Variants in CTNNA3 observed in about 807,000 individuals in gnomAD.
CTNNA3 encodes catenin alpha 3, also known as catenin alpha-3.
Under a neutral mutation model 95.7 loss-of-function variants are expected in CTNNA3, and 76 were observed. That is an observed-to-expected ratio of 0.79 (90% confidence interval 0.66 to 0.96). The LOEUF (loss-of-function observed/expected upper bound fraction) is 0.96, where lower values mean the gene tolerates loss of function less well. CTNNA3 is among the 40% of genes least tolerant of loss of function. The pLI is 0.00. For missense variants in CTNNA3, 1,191 were observed against 1,089.8 expected (o/e 1.09, Z -1.31); for synonymous variants, 431 against 374.4 (o/e 1.15, Z -1.74).
intron 7 of CTNNA3, among the ~76,000 whole-genome samples, chr10:67,147,445 A>G (rs1388152244): frequency 1.3e-5 from 2 of 152,244 alleles, no homozygotes; most frequent in East Asian, 3.9e-4. Context: ...GTGTTTATCA[A>G]CCACATAAAA....
intron 7 of CTNNA3, among the ~76,000 whole-genome samples, chr10:67,018,147 G>C (rs1396818667): frequency 6.6e-6 from 1 of 151,924 alleles, no homozygotes; most frequent in Non-Finnish European, 1.5e-5. Context: ...TTTACAGTAG[G>C]GCCAAGACTT....
chr10:66,394,880 A>G (rs1056818103), intron 11 of CTNNA3, among the ~76,000 whole-genome samples: 1 of 152,064 alleles, frequency 6.6e-6, no homozygotes, highest in Non-Finnish European at 1.5e-5. Flanking sequence ...GGTATATGAC[A>G]CATATAGCAG....
chr10:66,242,737 T>C (rs774299303), intron 13 of CTNNA3, among the ~76,000 whole-genome samples: 2 of 152,182 alleles, frequency 1.3e-5, no homozygotes, highest in African/African-American at 4.8e-5. Flanking sequence ...AGCATATATT[T>C]AGCCCTCACC....
At chr10:66,552,279 T>A (rs1244249455) in intron 10 of CTNNA3, among the ~76,000 whole-genome samples, 2 of 152,156 alleles carry the variant, frequency 1.3e-5, no homozygotes, top group Non-Finnish European at 2.9e-5. Context: ...GGAGCTTTTC[T>A]TTTTGGTTCT....
intron 5 of CTNNA3, among the ~76,000 whole-genome samples, chr10:67,490,975 C>T (rs949899968): frequency 1.2e-4 from 19 of 152,048 alleles, no homozygotes; most frequent in Non-Finnish European, 2.5e-4. Context: ...AACCAGGGAT[C>T]TTGTAAACCA....
chr10:66,006,009 CT>C (rs11415177), intron 15 of CTNNA3, among the ~76,000 whole-genome samples: 15,371 of 115,882 alleles, frequency 0.13, 922 homozygotes, highest in East Asian at 0.2. Flanking sequence ...CAAGGAAAGC[CT>C]TTTTTTTTTT....
rs1309469211 is a variant in CTNNA3, at chr10:65,917,282, G to A, written c.*3048C>T. 1 of 152,060 alleles carries A rather than the reference G, an allele frequency of 6.6e-6. No individual in the cohort carries two copies. The highest frequency in any genetic ancestry group is 2.4e-5 in the African/African-American group (1 of 41,412). 9.4% of individuals were successfully genotyped at this position (152,060 alleles called of 1,614,324 possible). A position where few individuals can be genotyped will look rare whatever the true frequency, so the allele number is the denominator to read the frequency against. ...GAACAAATTAGCTTAGAAATTTAGT[G>A]TTTGAGTTTTTTCTTGACTCATTCA... On this transcript the variant is annotated 3_prime_UTR_variant, in exon 18 of 18. Transcript: ENST00000433211.
chr10:66,998,966 C>A (rs561467191), intron 7 of CTNNA3, among the ~76,000 whole-genome samples: 134 of 152,136 alleles, frequency 8.8e-4, no homozygotes, highest in African/African-American at 3.2e-3. Flanking sequence ...TCTCAATCAA[C>A]ACCAAAAATT....
chr10:66,921,109 A>G (rs1445954812), intron 7 of CTNNA3, among the ~76,000 whole-genome samples: 3 of 152,186 alleles, frequency 2.0e-5, no homozygotes, highest in Non-Finnish European at 4.4e-5. Context: ...AAATGAAGGT[A>G]ACAGAAGACC....
At chr10:67,432,497 C>A (rs1403646981) in intron 5 of CTNNA3, among the ~76,000 whole-genome samples, 5 of 151,980 alleles carry the variant, frequency 3.3e-5, no homozygotes, top group African/African-American at 1.2e-4. Flanking sequence ...CTCTTCTTTG[C>A]CTTTTCCAGC....
intron 15 of CTNNA3, among the ~76,000 whole-genome samples, chr10:65,992,447 T>C (rs2078564347): frequency 2.0e-5 from 3 of 152,114 alleles, no homozygotes; most frequent in African/African-American, 7.2e-5. Flanking sequence ...GTTCAGATTT[T>C]CTATTTTTTC....
intron 5 of CTNNA3, among the ~76,000 whole-genome samples, chr10:67,299,425 T>C (rs1264818107): frequency 1.3e-5 from 2 of 152,196 alleles, no homozygotes; most frequent in Non-Finnish European, 2.9e-5. Flanking sequence ...CTCTGACTTT[T>C]AAATACTATG....
chr10:66,941,598 G>A (rs574667180), intron 7 of CTNNA3, among the ~76,000 whole-genome samples: 1 of 152,110 alleles, frequency 6.6e-6, no homozygotes, highest in Non-Finnish European at 1.5e-5. Context: ...GGCCATAAAA[G>A]CTATTTGTCA....
At chr10:66,250,683 C>T (rs1184678764) in intron 13 of CTNNA3, among the ~76,000 whole-genome samples, 3 of 113,678 alleles carry the variant, frequency 2.6e-5, no homozygotes, top group African/African-American at 8.6e-5. Flanking sequence ...CTTTTGCTAC[C>T]CAATTCAATA....
intron 6 of CTNNA3, among the ~76,000 whole-genome samples, chr10:67,208,547 A>G (rs1904640): frequency 0.048 from 7,345 of 152,254 alleles, 222 homozygotes; most frequent in South Asian, 0.11. Context: ...TCACAGAATG[A>G]AAAGGATATG....
intron 10 of CTNNA3, among the ~76,000 whole-genome samples, chr10:66,539,637 C>T (rs527887325): frequency 6.6e-6 from 1 of 152,044 alleles, no homozygotes; most frequent in Non-Finnish European, 1.5e-5. Flanking sequence ...TTTTACCTTC[C>T]CATGGGGATC....
rs113566184 is a variant in CTNNA3, at chr10:66,575,863, C to T, written c.1374+45829G>A. On this transcript the variant is annotated intron_variant, in intron 10 of 17. Coordinates refer to ENST00000433211, the MANE Select transcript of CTNNA3 (RefSeq NM_013266.4). ...CAAATACAATGAAAAATGGGTGCCCCGCAAATCAATACATCTGTTCTTTAA... is the reference window on the plus strand; with the variant it reads ...CAAATACAATGAAAAATGGGTGCCCTGCAAATCAATACATCTGTTCTTTAA... Among the ~76,000 whole-genome samples the T allele has an allele frequency of 1.0e-3, 155 of 152,184 alleles. 1 individual carries two copies. Among genetic ancestry groups the T allele is most frequent in the African/African-American group, 3.4e-3 (140 of 41,530 alleles).
At chr10:67,726,768 C>A (rs377741058) in intron 1 of CTNNA3, among the ~76,000 whole-genome samples, 1 of 48,162 alleles carries the variant, frequency 2.1e-5, no homozygotes, top group Non-Finnish European at 4.2e-5. Flanking sequence ...GAATATGACA[C>A]ATATATCATA....
chr10:67,419,086 T>C (rs1044482974), intron 5 of CTNNA3, among the ~76,000 whole-genome samples: 21 of 152,248 alleles, frequency 1.4e-4, no homozygotes, highest in African/African-American at 4.1e-4. Context: ...AATTGTGAGG[T>C]TCTTCATGAA....
Sources: allele counts gnomAD v4.1 joint callset (sites outside exome capture counted in the v4.1 genomes callset), GRCh38; gene constraint gnomAD v4.1.1; transcripts MANE v1.5; gene names NCBI Gene and HGNC (gene_info 2026-07-23, HGNC 2026-07-21).